The following RNF20 variants were observed in gnomAD, a reference collection of about 807,000 sequenced individuals.
The protein encoded by RNF20 is E3 ubiquitin-protein ligase BRE1A.
RNF20 carries 84 observed loss-of-function variants against 126.2 expected under a neutral mutation model. The observed-to-expected ratio is 0.67, with a 90% confidence interval of 0.56 to 0.80. The LOEUF (loss-of-function observed/expected upper bound fraction) is 0.80. Among genes scored for constraint, RNF20 ranks in the 30% least tolerant of loss-of-function variants. The probability of loss-of-function intolerance (pLI) is 0.00; values close to 1 mark genes in which losing one functional copy is unlikely to be tolerated. For missense variants in RNF20, 869 were observed against 1,188.2 expected (o/e 0.73, Z 3.95); for synonymous variants, 400 against 414.3 (o/e 0.97, Z 0.42).
At position 101,554,031 on chromosome 9, in the gene RNF20, A is replaced by G. The variant is rs1198265857; in HGVS notation, c.1945A>G (p.Met649Val). The G allele has an allele frequency of 6.2e-7, 1 of 1,613,656 alleles. No homozygotes were observed. Among genetic ancestry groups the G allele is most frequent in the Non-Finnish European group, 8.5e-7 (1 of 1,179,742 alleles). The change falls in exon 14 of 20, where the codon ATG becomes GTG. Residue 649 changes from methionine to valine, a missense_variant. Transcript: ENST00000389120. ...AAAGGAGATGAAACTATTGCTGGAT[A>G]TGTACCGTTCTGCCCCAAAGGAACA... ...SQKEMKLLLD[M>V]YRSAPKEQRD...
intron 9 of RNF20, 58 bp from the exon 10 acceptor site, chr9:101,550,548 T>A (rs1044861038): frequency 2.0e-6 from 3 of 1,474,772 alleles, no homozygotes; most frequent in Non-Finnish European, 2.8e-6. Context: ...TTACTTCCTG[T>A]CTAGCGTCTG....
chr9:101,554,220 T>C, intron 14 of RNF20, 115 bp downstream of exon 14: 3 of 615,712 alleles, frequency 4.9e-6, no homozygotes, highest in Non-Finnish European at 8.5e-6. Context: ...AGTGTTTAAG[T>C]GCAACATTTT....
At chr9:101,562,182 T>C in intron 19 of RNF20, 64 bp from the exon 20 acceptor site, 1 of 1,540,962 alleles carries the variant, frequency 6.5e-7, no homozygotes, top group South Asian at 1.2e-5. Context: ...TTGTGTAGTA[T>C]ATGAGAGCCA....
intron 5 of RNF20, among the ~76,000 whole-genome samples, chr9:101,543,845 C>A (rs561641241): frequency 6.6e-6 from 1 of 152,326 alleles, no homozygotes; most frequent in South Asian, 2.1e-4. Flanking sequence ...TTATTTTTGG[C>A]TTTGCCCATG....
intron 11 of RNF20, 101 bp from the exon 12 acceptor site, chr9:101,552,040 C>T: frequency 6.9e-7 from 1 of 1,446,506 alleles, no homozygotes; most frequent in Non-Finnish European, 9.5e-7. Context: ...TTTGGTAATT[C>T]TCCCTATTTC....
chr9:101,548,440 A>C (rs1436986409), intron 9 of RNF20, among the ~76,000 whole-genome samples: 1 of 152,162 alleles, frequency 6.6e-6, no homozygotes, highest in Non-Finnish European at 1.5e-5. Context: ...GTGTACTTGA[A>C]ATATGCTAAG....
intron 6 of RNF20, 40 bp downstream of exon 6, chr9:101,544,925 C>A: frequency 8.0e-7 from 1 of 1,252,956 alleles, no homozygotes; most frequent in Non-Finnish European, 1.2e-6. Flanking sequence ...GTCTAGTGGG[C>A]TGTGGCAGAT....
chr9:101,558,108 C>T (rs1261206276), intron 16 of RNF20, among the ~76,000 whole-genome samples: 1 of 151,242 alleles, frequency 6.6e-6, no homozygotes, highest in Non-Finnish European at 1.5e-5. Context: ...TTTGGTGCAC[C>T]CATAACCCAA....
chr9:101,550,583 A>G, intron 9 of RNF20, 23 bp from the exon 10 acceptor site: 1 of 1,603,094 alleles, frequency 6.2e-7, no homozygotes, highest in African/African-American at 1.3e-5. Context: ...TCTGCTTCTG[A>G]CTTTGCTTTG....
intron 1 of RNF20, chr9:101,534,397 T>C (rs1222774173): frequency 6.6e-6 from 1 of 152,188 alleles, no homozygotes; most frequent in African/African-American, 2.4e-5. Context: ...ACACGGCCTC[T>C]AACAGGCAGA....
chr9:101,561,979 G>C lies in RNF20; in HGVS notation c.2719G>C (p.Glu907Gln). 1.2e-6 allele frequency: 2 copies of C among 1,612,152 alleles called. No individual in the cohort carries two copies. Among genetic ancestry groups the C allele is most frequent in the Non-Finnish European group, 1.7e-6 (2 of 1,179,332 alleles). Residue 907 changes from glutamate to glutamine, a missense_variant, in exon 19 of 20, where the codon GAG becomes CAG. Coordinates refer to ENST00000389120, the MANE Select transcript of RNF20 (RefSeq NM_019592.7). ...KKPDNVPKCD[E>Q]ILMEEIKDYK... ...ACCAGACAATGTACCCAAGTGTGATGAGATTCTGATGGAAGAGATTAAGGA... is the reference window on the plus strand; with the variant it reads ...ACCAGACAATGTACCCAAGTGTGATCAGATTCTGATGGAAGAGATTAAGGA...
chr9:101,542,529 G>A (rs373027731), intron 5 of RNF20, among the ~76,000 whole-genome samples: 3 of 152,286 alleles, frequency 2.0e-5, no homozygotes, highest in South Asian at 2.1e-4. Flanking sequence ...CAGATGTTTA[G>A]TCAATGGGGA....
At chr9:101,561,807 A>G (rs188117795) in intron 18 of RNF20, 103 bp from the exon 19 acceptor site, 3 of 803,900 alleles carry the variant, frequency 3.7e-6, no homozygotes, top group Middle Eastern at 2.3e-4. Flanking sequence ...ATAAAAGGAT[A>G]GAAAGTCCCC....
At position 101,552,655 on chromosome 9, in the gene RNF20, AAAAG is replaced by A. The variant is rs1274577316; in HGVS notation, c.1805_1808del (p.Lys602ArgfsTer27). ...AGAAGCAGAAGCTAAAAGAGTCAGA[AAAAG>A]AGAGAGATTCTGCTAAGGATAAAGA... On this transcript the variant is annotated frameshift_variant, in exon 13 of 20. Transcript: ENST00000389120. LOFTEE classifies it high-confidence loss of function. 6.5e-7 allele frequency: 1 copy of A among 1,527,348 alleles called. No individual in the cohort carries two copies. Among genetic ancestry groups the A allele is most frequent in the African/African-American group, 1.4e-5 (1 of 73,088 alleles). The allele number at this position is 1,527,348 out of a possible 1,614,324, so 94.6% of individuals were successfully genotyped here.
chr9:101,547,296 C>T lies in RNF20; in HGVS notation c.972+82C>T, dbSNP rs1475563483. 9 of 1,596,148 alleles carry T rather than the reference C, an allele frequency of 5.6e-6. No individual in the cohort carries two copies. In the Admixed American group the frequency reaches 1.0e-4, roughly 18 times the overall value. ...TACTTAGGACTGTGTTCACAAGTGA[C>T]ATCATGGGGTTTTGCTGGAATAGCG... On this transcript the variant is annotated intron_variant, in intron 8 of 19. Transcript: ENST00000389120.
intron 13 of RNF20, among the ~76,000 whole-genome samples, chr9:101,553,087 G>A (rs1000542750): frequency 6.6e-6 from 1 of 152,126 alleles, no homozygotes; most frequent in African/African-American, 2.4e-5. Context: ...GCAGATTGCT[G>A]GCGTTAATTG....
Position 101,562,442 on chromosome 9 carries a change from A to T in RNF20, c.*20A>T, listed in dbSNP as rs998770268. The T allele has an allele frequency of 1.9e-6, 3 of 1,602,408 alleles. No homozygotes were observed. The highest frequency in any genetic ancestry group is 2.6e-6 in the Non-Finnish European group (3 of 1,174,164). ...GGTTGATCTAAGTCAAGAGAAGAAG[A>T]GGAGCTGGCTAGTCAGGAACTTATT... On this transcript the variant is annotated 3_prime_UTR_variant, in exon 20 of 20. Transcript: ENST00000389120.
chr9:101,558,020 T>C (rs1354675073), intron 16 of RNF20, among the ~76,000 whole-genome samples: 1 of 151,862 alleles, frequency 6.6e-6, no homozygotes, highest in African/African-American at 2.4e-5. Context: ...TTTTTTTTTT[T>C]TTTTAAATTT....
chr9:101,558,006 CTTT>C (rs200617735), intron 16 of RNF20, among the ~76,000 whole-genome samples: 1 of 127,660 alleles, frequency 7.8e-6, no homozygotes, highest in African/African-American at 2.9e-5. Context: ...TGTGATTTTA[CTTT>C]TTTTTTTTTT....
Sources: gnomAD v4.1 joint callset for allele counts (sites outside exome capture counted in the v4.1 genomes callset) on GRCh38, gnomAD v4.1.1 for gene constraint, MANE v1.5 for transcripts, NCBI Gene and HGNC (gene_info 2026-07-23, HGNC 2026-07-21) for gene names.